The following SEMA3E variants were observed in gnomAD, a reference collection of about 807,000 sequenced individuals.
SEMA3E encodes the protein semaphorin 3E.
In SEMA3E, 49 loss-of-function variants were observed where a neutral mutation model predicts 93.6. The ratio of observed to expected loss-of-function variants is 0.52; its 90% confidence interval spans 0.42 to 0.66. SEMA3E has a LOEUF of 0.66. SEMA3E is among the 30% of genes least tolerant of loss of function. The pLI is 0.00. For missense variants in SEMA3E, 906 were observed against 964.8 expected (o/e 0.94, Z 0.81); for synonymous variants, 363 against 330.7 (o/e 1.10, Z -1.06).
intron 1 of SEMA3E, among the ~76,000 whole-genome samples, chr7:83,607,135 C>G (rs1674254303): frequency 6.6e-6 from 1 of 152,134 alleles, no homozygotes; most frequent in South Asian, 2.1e-4. Context: ...ATTTGTGTGT[C>G]CATTTGAAAC....
intron 1 of SEMA3E, among the ~76,000 whole-genome samples, chr7:83,586,965 T>C (rs1253555550): frequency 1.3e-5 from 2 of 152,162 alleles, no homozygotes; most frequent in African/African-American, 2.4e-5. Flanking sequence ...CTGGAATAGC[T>C]GTGATTCTGC....
intron 1 of SEMA3E, among the ~76,000 whole-genome samples, chr7:83,637,446 CT>C (rs1268275333): frequency 6.6e-6 from 1 of 152,114 alleles, no homozygotes; most frequent in Non-Finnish European, 1.5e-5. Context: ...TTTTAATTCT[CT>C]GAAGGCAATG....
chr7:83,506,689 A>G (rs888008990), intron 1 of SEMA3E, among the ~76,000 whole-genome samples: 1 of 152,214 alleles, frequency 6.6e-6, no homozygotes, highest in African/African-American at 2.4e-5. Flanking sequence ...TACAAAACCC[A>G]TATAAATCAT....
chr7:83,616,495 TA>T (rs573972976), intron 1 of SEMA3E: 148 of 249,532 alleles, frequency 5.9e-4, no homozygotes, highest in South Asian at 9.7e-4. Flanking sequence ...AAGATTCTAA[TA>T]AAAAAAAATA....
At chr7:83,399,955 T>A in intron 11 of SEMA3E, 73 bp downstream of exon 11, 1 of 1,210,728 alleles carries the variant, frequency 8.3e-7, no homozygotes. Context: ...ATAGGTGCTT[T>A]TAGAAATATT....
At chr7:83,380,409 C>T (rs899598782) in intron 16 of SEMA3E, among the ~76,000 whole-genome samples, 3 of 151,936 alleles carry the variant, frequency 2.0e-5, no homozygotes, top group Admixed American at 1.3e-4. Context: ...AAGTTGTTCT[C>T]ATTGGCTTAG....
At chr7:83,553,016 A>C (rs1791798057) in intron 1 of SEMA3E, among the ~76,000 whole-genome samples, 1 of 151,976 alleles carries the variant, frequency 6.6e-6, no homozygotes, top group African/African-American at 2.4e-5. Context: ...TTGCCCTTTG[A>C]AGCATGTGAT....
At position 83,366,082 on chromosome 7, in the gene SEMA3E, A is replaced by G. The variant is rs188776730; in HGVS notation, c.*1504T>C. ...TAAATTTTTCTTAAAATATTTATGTATTTGTTCATTTTACAATGAAATTGC... is the reference window on the plus strand; with the variant it reads ...TAAATTTTTCTTAAAATATTTATGTGTTTGTTCATTTTACAATGAAATTGC... On this transcript the variant is annotated 3_prime_UTR_variant, in exon 17 of 17. Transcript: ENST00000643230. 191 of 152,222 alleles carry G rather than the reference A, an allele frequency of 1.3e-3. 1 individual carries two copies. The highest frequency in any genetic ancestry group is 4.3e-3 in the African/African-American group (179 of 41,568). The allele number at this position is 152,222 out of a possible 1,614,324, so 9.4% of individuals were successfully genotyped here. A position where few individuals can be genotyped will look rare whatever the true frequency, so the allele number is the denominator to read the frequency against.
chr7:83,458,729 T>G (rs1033117610), intron 4 of SEMA3E, among the ~76,000 whole-genome samples: 7 of 151,874 alleles, frequency 4.6e-5, no homozygotes, highest in African/African-American at 1.7e-4. Context: ...GTACATGAAT[T>G]TGAATATAAA....
intron 4 of SEMA3E, among the ~76,000 whole-genome samples, chr7:83,465,127 G>A (rs888831586): frequency 6.6e-6 from 1 of 151,966 alleles, no homozygotes; most frequent in Non-Finnish European, 1.5e-5. Flanking sequence ...CCTTGTGAAA[G>A]TCCTTCTCCT....
rs551543400 is a variant in SEMA3E at position 83,611,172 on chromosome 7, G to A, written c.115+37256C>T. Among the ~76,000 whole-genome samples the A allele has an allele frequency of 1.0e-4, 15 of 149,396 alleles. 1 individual carries two copies. The highest frequency in any genetic ancestry group is 3.7e-4 in the African/African-American group (15 of 40,686). On this transcript the variant is annotated intron_variant, in intron 1 of 16. Transcript: ENST00000643230. ...CCACTGCTCTGCTTTAAGAAATCCCGTCTCTTACCTACTCAAGGAAATCAG... is the reference window on the plus strand; with the variant it reads ...CCACTGCTCTGCTTTAAGAAATCCCATCTCTTACCTACTCAAGGAAATCAG...
In SEMA3E at chr7:83,365,622, G is replaced by A. The variant is rs965665473; in HGVS notation, c.*1964C>T. ...CAGTTACCAAATATTTAGTTTACAA[G>A]TTACACCATTGTTATCATCATTAAC... On this transcript the variant is annotated 3_prime_UTR_variant, in exon 17 of 17. Coordinates refer to ENST00000643230, the MANE Select transcript of SEMA3E (RefSeq NM_012431.3). 6.6e-6 allele frequency: 1 copy of A among 152,066 alleles called. No homozygotes were observed. Among genetic ancestry groups the A allele is most frequent in the Admixed American group, 6.6e-5 (1 of 15,260 alleles). The allele number at this position is 152,066 out of a possible 1,614,324, so 9.4% of individuals were successfully genotyped here. A position where few individuals can be genotyped will look rare whatever the true frequency, so the allele number is the denominator to read the frequency against.
At chr7:83,394,704 C>T (rs1788086981) in intron 12 of SEMA3E, among the ~76,000 whole-genome samples, 1 of 151,988 alleles carries the variant, frequency 6.6e-6, no homozygotes, top group Admixed American at 6.6e-5. Flanking sequence ...AAAATGAAAC[C>T]ATTGTGTCTT....
At chr7:83,628,077 G>T (rs1289183292) in intron 1 of SEMA3E, among the ~76,000 whole-genome samples, 1 of 152,038 alleles carries the variant, frequency 6.6e-6, no homozygotes, top group Admixed American at 6.6e-5. Flanking sequence ...CACTTATGAA[G>T]CTTAGTTTGG....
intron 16 of SEMA3E, among the ~76,000 whole-genome samples, chr7:83,369,679 A>G (rs1222158521): frequency 1.3e-5 from 2 of 152,134 alleles, no homozygotes; most frequent in African/African-American, 4.8e-5. Flanking sequence ...TCAAAGCAAA[A>G]TCATCTTCAC....
chr7:83,607,747 A>T (rs1298945526), intron 1 of SEMA3E, among the ~76,000 whole-genome samples: 3 of 152,206 alleles, frequency 2.0e-5, no homozygotes, highest in Non-Finnish European at 2.9e-5. Flanking sequence ...GAATGAATGC[A>T]TAAAGTCATA....
At chr7:83,590,873 G>A (rs1792744119) in intron 1 of SEMA3E, among the ~76,000 whole-genome samples, 1 of 152,030 alleles carries the variant, frequency 6.6e-6, no homozygotes, top group Non-Finnish European at 1.5e-5. Flanking sequence ...CTTCCCATAT[G>A]TTAACTCATT....
At chr7:83,620,690 A>C (rs1309623668) in intron 1 of SEMA3E, among the ~76,000 whole-genome samples, 1 of 152,184 alleles carries the variant, frequency 6.6e-6, no homozygotes, top group Non-Finnish European at 1.5e-5. Flanking sequence ...AGGTTGGTTC[A>C]ACATATACAA....
At chr7:83,535,310 G>A (rs937809193) in intron 1 of SEMA3E, among the ~76,000 whole-genome samples, 1 of 152,044 alleles carries the variant, frequency 6.6e-6, no homozygotes, top group Non-Finnish European at 1.5e-5. Flanking sequence ...CATGCTTCCT[G>A]CCTGAATCAT....
Sources: gnomAD v4.1 joint callset for allele counts (sites outside exome capture counted in the v4.1 genomes callset) on GRCh38, gnomAD v4.1.1 for gene constraint, MANE v1.5 for transcripts, NCBI Gene and HGNC (gene_info 2026-07-23, HGNC 2026-07-21) for gene names.